The following TRABD2B variants were observed in gnomAD, a reference collection of about 807,000 sequenced individuals.
The protein encoded by TRABD2B is metalloprotease TIKI2.
A neutral mutation model predicts 40.1 loss-of-function variants in TRABD2B; 14 were observed. That is an observed-to-expected ratio of 0.35 (90% confidence interval 0.23 to 0.55). TRABD2B has a LOEUF of 0.55. TRABD2B is among the 20% of genes least tolerant of loss of function. The pLI is 0.90. For missense variants in TRABD2B, 541 were observed against 648.6 expected, an observed-to-expected ratio of 0.83 and a Z score of 1.80; for synonymous variants, 263 against 277.0, an observed-to-expected ratio of 0.95 and a Z score of 0.50.
chr1:47,867,386 A>G (rs1360612306), intron 2 of TRABD2B, among the ~76,000 whole-genome samples: 1 of 152,200 alleles, frequency 6.6e-6, no homozygotes, highest in African/African-American at 2.4e-5. Context: ...GGGTGACTTG[A>G]GTCAAGTTAG....
intron 2 of TRABD2B, among the ~76,000 whole-genome samples, chr1:47,808,415 G>GA (rs1219223469): frequency 6.6e-6 from 1 of 152,050 alleles, no homozygotes; most frequent in Non-Finnish European, 1.5e-5. Context: ...ATATGTTATA[G>GA]AAAAAAATAA....
chr1:47,970,722 ACT>A (rs1488596901), intron 2 of TRABD2B, among the ~76,000 whole-genome samples: 1 of 151,804 alleles, frequency 6.6e-6, no homozygotes, highest in East Asian at 1.9e-4. Context: ...CTTGGGGGTG[ACT>A]CTTCATTGTG....
chr1:47,782,032 C>T (rs1644531165), intron 4 of TRABD2B, among the ~76,000 whole-genome samples: 1 of 152,190 alleles, frequency 6.6e-6, no homozygotes, highest in African/African-American at 2.4e-5. Context: ...TTCTTCTCAC[C>T]CACAGACAGA....
chr1:47,868,553 G>C (rs1396319914), intron 2 of TRABD2B, among the ~76,000 whole-genome samples: 1 of 152,178 alleles, frequency 6.6e-6, no homozygotes, highest in African/African-American at 2.4e-5. Context: ...AGTCTCATTA[G>C]ATTCTCATAG....
chr1:47,830,873 T>A (rs1300213901), intron 2 of TRABD2B, among the ~76,000 whole-genome samples: 1 of 152,198 alleles, frequency 6.6e-6, no homozygotes, highest in Non-Finnish European at 1.5e-5. Flanking sequence ...GTATTATATA[T>A]CTCAGCTGAG....
rs1054719592 is a variant in TRABD2B, at chr1:47,764,513, C to G, written c.*1389G>C. On this transcript the variant is annotated 3_prime_UTR_variant, in exon 7 of 7. Coordinates refer to ENST00000606738, the MANE Select transcript of TRABD2B (RefSeq NM_001194986.2). ...CTCCCCACTTGGCTGCTGTGCCTCC[C>G]CAGGTGCCCCACAGCTGTGCCCACC... 6.6e-6 allele frequency: 1 copy of G among 152,366 alleles called. No homozygotes were observed. Among genetic ancestry groups the G allele is most frequent in the African/African-American group, 2.4e-5 (1 of 41,448 alleles). 9.4% of individuals were successfully genotyped at this position (152,366 alleles called of 1,614,324 possible).
intron 2 of TRABD2B, among the ~76,000 whole-genome samples, chr1:47,917,473 C>T (rs566262226): frequency 6.6e-6 from 1 of 152,270 alleles, no homozygotes; most frequent in South Asian, 2.1e-4. Context: ...GTAATCCCAA[C>T]ACTCTGAGAG....
chr1:47,828,756 C>T (rs745424881), intron 2 of TRABD2B, among the ~76,000 whole-genome samples: 7 of 152,148 alleles, frequency 4.6e-5, no homozygotes, highest in African/African-American at 7.2e-5. Flanking sequence ...ATTGGGTGAG[C>T]CTCAACATTA....
At position 47,766,080 on chromosome 1, in the gene TRABD2B, GGCA is replaced by G. The variant is rs1229256166; in HGVS notation, c.1373_1375del (p.Leu458del). The G allele has an allele frequency of 1.4e-6, 1 of 700,842 alleles. No individual in the cohort carries two copies. Among genetic ancestry groups the G allele is most frequent in the Admixed American group, 2.0e-5 (1 of 49,836 alleles). The allele number at this position is 700,842 out of a possible 1,614,324, so 43.4% of individuals were successfully genotyped here. ...CCCCGAGCTGTGGGTGGGCTGCAGG[GGCA>G]GCGGGGGTGGTGAGGCGGTGGTGCT... On this transcript the variant is annotated inframe_deletion, in exon 7 of 7. Transcript: ENST00000606738.
chr1:47,822,283 G>A (rs187785799), intron 2 of TRABD2B, among the ~76,000 whole-genome samples: 17 of 152,248 alleles, frequency 1.1e-4, no homozygotes, highest in Non-Finnish European at 1.0e-4. Context: ...GCTCACTGTC[G>A]GGAAAGAACT....
chr1:47,832,873 C>T (rs756234740), intron 2 of TRABD2B, among the ~76,000 whole-genome samples: 4 of 152,078 alleles, frequency 2.6e-5, no homozygotes, highest in Non-Finnish European at 5.9e-5. Context: ...GCACCTAACT[C>T]TGCTTTGAGG....
chr1:47,930,289 T>C (rs893141502), intron 2 of TRABD2B, among the ~76,000 whole-genome samples: 1 of 152,228 alleles, frequency 6.6e-6, no homozygotes. Flanking sequence ...GACAAAGCTT[T>C]AGCCCTAGAG....
chr1:47,805,422 T>C (rs141573885), intron 2 of TRABD2B, among the ~76,000 whole-genome samples: 55 of 152,250 alleles, frequency 3.6e-4, no homozygotes, highest in African/African-American at 7.5e-4. Context: ...GGGCCAGGAC[T>C]GAAACCCAAG....
chr1:47,847,634 G>A (rs952678762), intron 2 of TRABD2B, among the ~76,000 whole-genome samples: 7 of 152,118 alleles, frequency 4.6e-5, no homozygotes, highest in African/African-American at 1.7e-4. Flanking sequence ...CCAGCGCCCT[G>A]CAGCCCTTGC....
chr1:47,993,474 A>C (rs1047054117), intron 2 of TRABD2B, among the ~76,000 whole-genome samples: 3 of 152,180 alleles, frequency 2.0e-5, no homozygotes, highest in African/African-American at 7.2e-5. Context: ...TCCTGGCCTT[A>C]GCGAGGCGGT....
chr1:47,861,480 A>C (rs1643969957), intron 2 of TRABD2B, among the ~76,000 whole-genome samples: 1 of 152,344 alleles, frequency 6.6e-6, no homozygotes, highest in East Asian at 1.9e-4. Flanking sequence ...TGGACATTAA[A>C]TGGAAAATAA....
intron 2 of TRABD2B, among the ~76,000 whole-genome samples, chr1:47,876,304 G>C (rs1283134826): frequency 6.6e-6 from 1 of 152,128 alleles, no homozygotes; most frequent in Non-Finnish European, 1.5e-5. Context: ...CCCGAACATA[G>C]AACAGTGTGA....
Position 47,827,110 on chromosome 1 carries a change from C to T in TRABD2B, c.667-25491G>A, listed in dbSNP as rs116687721. ...GAGGGCGAGGATGCAGCACGGGCCT[C>T]GCTGGGGCTGCCAGGGATGCCACCC... On this transcript the variant is annotated intron_variant, in intron 2 of 6. Transcript: ENST00000606738. 9.3e-3 allele frequency among the ~76,000 whole-genome samples: 1,410 copies of T among 152,228 alleles called. 17 individuals are homozygous for T. The highest frequency in any genetic ancestry group is 0.032 in the African/African-American group (1,317 of 41,518).
At chr1:47,840,020 AGT>A (rs1440036025) in intron 2 of TRABD2B, among the ~76,000 whole-genome samples, 2 of 151,896 alleles carry the variant, frequency 1.3e-5, no homozygotes, top group African/African-American at 4.8e-5. Flanking sequence ...GTTCCTGGAG[AGT>A]GTTTACCTCC....
Sources: allele counts gnomAD v4.1 joint callset (sites outside exome capture counted in the v4.1 genomes callset), GRCh38; gene constraint gnomAD v4.1.1; transcripts MANE v1.5; gene names NCBI Gene and HGNC (gene_info 2026-07-23, HGNC 2026-07-21).